The following PNISR variants were observed in gnomAD, a reference collection of about 807,000 sequenced individuals.
PNISR encodes the protein arginine/serine-rich protein PNISR.
In PNISR, 20 loss-of-function variants were observed where a neutral mutation model predicts 93.4. The observed-to-expected ratio is 0.21, with a 90% CI of 0.15 to 0.31. PNISR has a LOEUF of 0.31. Ranked by LOEUF, PNISR falls within the 10% of genes least tolerant of loss-of-function variation. PNISR has a pLI of 1.00. For missense variants in PNISR, 893 were observed against 985.4 expected, an observed-to-expected ratio of 0.91 and a Z score of 1.25; for synonymous variants, 305 against 306.5, an observed-to-expected ratio of 0.99 and a Z score of 0.05.
At chr6:99,419,560 T>A (rs1778268630) in intron 1 of PNISR, among the ~76,000 whole-genome samples, 1 of 152,228 alleles carries the variant, frequency 6.6e-6, no homozygotes, top group African/African-American at 2.4e-5. Flanking sequence ...TTACCTGTTT[T>A]GGATAAGATT....
intron 1 of PNISR, among the ~76,000 whole-genome samples, chr6:99,417,632 G>T (rs1482006469): frequency 6.6e-6 from 1 of 152,000 alleles, no homozygotes; most frequent in Non-Finnish European, 1.5e-5. Context: ...ATCACTTTTG[G>T]TAGCACTCTT....
At chr6:99,407,016 T>C (rs920367075) in intron 7 of PNISR, among the ~76,000 whole-genome samples, 1 of 20,110 alleles carries the variant, frequency 5.0e-5, no homozygotes, top group African/African-American at 1.1e-4. Context: ...CTATTTCATG[T>C]AAAGATTTTT....
chr6:99,414,728 G>T, intron 2 of PNISR, 38 bp from the exon 3 acceptor site: 1 of 886,472 alleles, frequency 1.1e-6, no homozygotes, highest in South Asian at 1.7e-5. Context: ...ATTATAGTGA[G>T]TTATTTAATC....
In PNISR at chr6:99,402,687, C is replaced by T. The variant is rs1459278657; in HGVS notation, c.1180G>A (p.Gly394Arg). ...GLGGLGGYGS[G>R]DSEDERSDRG... The stretch of plus-strand genomic sequence containing the variant: ...TCACTCCTCTCATCTTCACTGTCTC[C>T]TGATCCATAACCACCCAGTCCACCT... The change falls in exon 11 of 12, where the codon GGA (glycine) becomes AGA (arginine). Residue 394 changes from glycine to arginine, a missense_variant. By Grantham distance (125) the Gly-to-Arg change is moderately radical. Around this residue, in one of 3 missense-constraint regions of PNISR, gnomAD observed 866 missense variants for 935.1 expected, o/e 0.93. Coordinates refer to ENST00000369239, the MANE Select transcript of PNISR (RefSeq NM_032870.4). The T allele has an allele frequency of 5.0e-6, 8 of 1,605,214 alleles. No individual in the cohort carries two copies. The highest frequency in any genetic ancestry group is 1.3e-5 in the African/African-American group (1 of 74,784).
In PNISR at chr6:99,410,783, G is replaced by A. The variant is rs141275479; in HGVS notation, c.459C>T (p.Pro153=). 3.4e-3 allele frequency: 5,443 copies of A among 1,613,920 alleles called. 45 individuals are homozygous for A. Among genetic ancestry groups the A allele is most frequent in the Admixed American group, 4.1e-3 (248 of 59,968 alleles). The part of the protein sequence containing the change: ...NQNNHNFGGP[P]DNFAVGPVNQ... ...TCACTGGCCCCACTGCAAAATTATC[G>A]GGTGGTCCACCAAAGTTGTGATTGT... Residue 153 remains proline (P), a synonymous_variant, in exon 5 of 12, where the codon CCC becomes CCT. Transcript: ENST00000369239.
chr6:99,406,845 C>T (rs1776212358), intron 7 of PNISR, among the ~76,000 whole-genome samples: 1 of 151,956 alleles, frequency 6.6e-6, no homozygotes, highest in African/African-American at 2.4e-5. Context: ...TTTAATAATC[C>T]CACTAAGTAA....
Position 99,410,881 on chromosome 6 carries a change from G to A in PNISR, c.361C>T (p.Pro121Ser). 1 of 1,614,064 alleles carries A rather than the reference G, an allele frequency of 6.2e-7. No homozygotes were observed. ...PPTPGPMDIV[P>S]PSEDSNSQDS... ...TGACTGTTGCTGTCTTCAGAAGGAG[G>A]AACAATGTCCATTGGGCCTGGTGTT... The change falls in exon 5 of 12, where the codon CCT (proline) becomes TCT (serine). Residue 121 changes from proline to serine, a missense_variant. Physicochemically the swap from Pro to Ser is moderately conservative, Grantham distance 74. Coordinates refer to ENST00000369239, the MANE Select transcript of PNISR (RefSeq NM_032870.4).
intron 3 of PNISR, 32 bp downstream of exon 3, chr6:99,414,540 C>T (rs1777412107): frequency 8.7e-7 from 1 of 1,155,870 alleles, no homozygotes. Flanking sequence ...CATATCCAAC[C>T]CCGCCCTTTC....
rs921545424 is a variant in PNISR, at chr6:99,401,704, C to T, written c.1328-74G>A. 3.4e-6 allele frequency: 4 copies of T among 1,174,134 alleles called. No homozygotes were observed. In the African/African-American group the frequency reaches 4.6e-5, roughly 14 times the overall value. The allele number at this position is 1,174,134 out of a possible 1,614,324, so 72.7% of individuals were successfully genotyped here. On this transcript the variant is annotated intron_variant, in intron 11 of 11. Coordinates refer to ENST00000369239, the MANE Select transcript of PNISR (RefSeq NM_032870.4). ...CTCATACTACCAAATGTCAAGCTAC[C>T]AGACTGTAACAATAGAACACCATTT...
At position 99,401,542 on chromosome 6, in the gene PNISR, T is replaced by C. The variant is rs771874503; in HGVS notation, c.1416A>G (p.Arg472=). The part of the protein sequence containing the change: ...EQNSLSLLEA[R]EADGDVVNEK... ...CATTAACCACATCACCGTCTGCTTC[T>C]CTTGCTTCTAGTAGTGATAAACTAT... The change falls in exon 12 of 12, where the codon AGA becomes AGG. Residue 472 remains arginine (R), a synonymous_variant. Transcript: ENST00000369239. 1.2e-5 allele frequency: 19 copies of C among 1,611,838 alleles called. No homozygotes were observed. The highest frequency in any genetic ancestry group is 2.2e-5 in the East Asian group (1 of 44,854).
At chr6:99,416,864 A>C (rs1562257080) in intron 1 of PNISR, among the ~76,000 whole-genome samples, 1 of 152,174 alleles carries the variant, frequency 6.6e-6, no homozygotes, top group Non-Finnish European at 1.5e-5. Flanking sequence ...TTGTTCCTGA[A>C]ATGGTTTAGT....
chr6:99,408,166 C>A lies in PNISR; in HGVS notation c.779G>T (p.Arg260Leu), dbSNP rs771671662. The change falls in exon 7 of 12, where the codon CGT (arginine) becomes CTT (leucine). Residue 260 changes from arginine to leucine, a missense_variant. This residue lies in a region of PNISR where 866 missense variants were observed against 935.1 expected (regional missense o/e 0.93). Transcript: ENST00000369239. ...TTTTTCTTTTTTGGACAATTGTGAACGTTGTTGTTCCATTCTTTCTTTCTC... is the reference window on the plus strand; with the variant it reads ...TTTTTCTTTTTTGGACAATTGTGAAAGTTGTTGTTCCATTCTTTCTTTCTC... Reference protein sequence around the residue: ...KLEKERMEQQRSQLSKKEKKA... With the variant: ...KLEKERMEQQLSQLSKKEKKA... The A allele has an allele frequency of 6.2e-7, 1 of 1,613,252 alleles. No homozygotes were observed. Among genetic ancestry groups the A allele is most frequent in the South Asian group, 1.1e-5 (1 of 91,018 alleles).
intron 9 of PNISR, chr6:99,404,298 C>A (rs1420515143): frequency 9.7e-6 from 4 of 411,382 alleles, no homozygotes; most frequent in Non-Finnish European, 1.3e-5. Flanking sequence ...AGAAGTCACA[C>A]AACAATGCCA....
chr6:99,417,436 G>A (rs914648198), intron 1 of PNISR, among the ~76,000 whole-genome samples: 3 of 152,126 alleles, frequency 2.0e-5, no homozygotes, highest in South Asian at 2.1e-4. Flanking sequence ...ACCTACATCC[G>A]TTCGTTAGTG....
At chr6:99,410,426 C>T (rs1776762695) in intron 5 of PNISR, 1 of 270,954 alleles carries the variant, frequency 3.7e-6, no homozygotes, top group South Asian at 5.9e-5. Flanking sequence ...ATTCTCTAGT[C>T]TTTAACATTT....
intron 1 of PNISR, among the ~76,000 whole-genome samples, chr6:99,422,876 C>CAAAAAAAAAAAA: frequency 1.1e-5 from 1 of 94,954 alleles, no homozygotes; most frequent in Non-Finnish European, 1.9e-5. Flanking sequence ...CACTCTGTCT[C>CAAAAAAAAAAAA]AAAAAAAAAA....
chr6:99,402,661 G>C lies in PNISR; in HGVS notation c.1206C>G (p.Asp402Glu), dbSNP rs1229527566. The change falls in exon 11 of 12, where the codon GAC becomes GAG. Residue 402 changes from aspartate (D) to glutamate (E), a missense_variant. By Grantham distance (45) the Asp-to-Glu change is conservative (BLOSUM62 2). Coordinates refer to ENST00000369239, the MANE Select transcript of PNISR (RefSeq NM_032870.4). ...GSGDSEDERS[D>E]RGSESSDTDD... ...CAGTGTCAGATGACTCAGATCCTCT[G>C]TCACTCCTCTCATCTTCACTGTCTC... 6.2e-7 allele frequency: 1 copy of C among 1,612,894 alleles called. No individual in the cohort carries two copies. The highest frequency in any genetic ancestry group is 1.3e-5 in the African/African-American group (1 of 74,864).
chr6:99,418,157 A>T (rs536297142), intron 1 of PNISR, among the ~76,000 whole-genome samples: 1 of 151,380 alleles, frequency 6.6e-6, no homozygotes, highest in Non-Finnish European at 1.5e-5. Context: ...ATTTTTTTTG[A>T]GAGGCAGTCT....
Position 99,401,094 on chromosome 6 carries a change from GACTTCT to G in PNISR, c.1858_1863del (p.Ser623_Arg624del), listed in dbSNP as rs1775428598. 1.9e-6 allele frequency: 3 copies of G among 1,613,628 alleles called. No individual in the cohort carries two copies. Among genetic ancestry groups the G allele is most frequent in the South Asian group, 1.1e-5 (1 of 91,058 alleles). On this transcript the variant is annotated inframe_deletion, in exon 12 of 12. Coordinates refer to ENST00000369239, the MANE Select transcript of PNISR (RefSeq NM_032870.4). ...CGATTGGTTCGTCTATCCCTTGAGC[GACTTCT>G]ACTTCTACGTCTCTCTCGGGAAGGA...
Sources: gnomAD v4.1 joint callset for allele counts (sites outside exome capture counted in the v4.1 genomes callset) on GRCh38, gnomAD v4.1.1 for gene constraint, gnomAD v4.1.1 regional missense constraint, MANE v1.5 for transcripts, NCBI Gene and HGNC (gene_info 2026-07-23, HGNC 2026-07-21) for gene names.